ITFG1: variants seen among roughly 807,000 people sequenced by gnomAD.
The protein encoded by ITFG1 is integrin alpha FG-GAP repeat containing 1, also known as T-cell immunomodulatory protein.
ITFG1 carries 34 observed loss-of-function variants against 81.8 expected under a neutral mutation model. The observed-to-expected ratio is 0.42, with a 90% CI of 0.32 to 0.55. The LOEUF (loss-of-function observed/expected upper bound fraction) is 0.55. ITFG1 is among the 20% of genes least tolerant of loss of function. ITFG1 has a pLI of 0.17. For synonymous variants in ITFG1, 285 were observed against 270.6 expected (o/e 1.05, Z -0.52); for missense variants, 672 against 755.4 (o/e 0.89, Z 1.29).
At chr16:47,268,326 C>T (rs1012411711) in intron 10 of ITFG1, among the ~76,000 whole-genome samples, 1 of 152,072 alleles carries the variant, frequency 6.6e-6, no homozygotes, top group African/African-American at 2.4e-5. Context: ...TCACAAAACA[C>T]CAAAGCTTAC....
At chr16:47,432,193 C>G (rs1026639346) in intron 5 of ITFG1, among the ~76,000 whole-genome samples, 20 of 152,200 alleles carry the variant, frequency 1.3e-4, no homozygotes, top group Non-Finnish European at 5.9e-5. Flanking sequence ...TTCTTCTCTA[C>G]TGCAGTTAGA....
At chr16:47,349,911 C>G (rs137855196) in intron 8 of ITFG1, among the ~76,000 whole-genome samples, 10,494 of 152,212 alleles carry the variant, frequency 0.069, 608 homozygotes, top group African/African-American at 0.15. Flanking sequence ...GAAACTCACT[C>G]AAAACTGGTC....
intron 14 of ITFG1, among the ~76,000 whole-genome samples, chr16:47,199,076 C>G (rs1965391614): frequency 6.6e-6 from 1 of 152,042 alleles, no homozygotes; most frequent in South Asian, 2.1e-4. Context: ...GAGTTCAAGA[C>G]CAGCCTAGGC....
chr16:47,337,398 C>T (rs1353469729), intron 8 of ITFG1, among the ~76,000 whole-genome samples: 1 of 151,942 alleles, frequency 6.6e-6, no homozygotes, highest in African/African-American at 2.4e-5. Flanking sequence ...GGCAAAACCC[C>T]ATCTCTACTA....
intron 14 of ITFG1, among the ~76,000 whole-genome samples, chr16:47,179,170 A>G (rs889171778): frequency 2.2e-4 from 33 of 152,012 alleles, no homozygotes; most frequent in East Asian, 9.6e-4. Context: ...ACAGTGTGGC[A>G]ATTCCTCAAG....
chr16:47,296,310 C>T (rs1250361176), intron 10 of ITFG1, among the ~76,000 whole-genome samples: 1 of 151,494 alleles, frequency 6.6e-6, no homozygotes, highest in African/African-American at 2.4e-5. Context: ...TTGCTATATC[C>T]CAGGGGTTTT....
chr16:47,182,441 A>T (rs534493187), intron 14 of ITFG1, among the ~76,000 whole-genome samples: 2 of 151,622 alleles, frequency 1.3e-5, no homozygotes, highest in Non-Finnish European at 2.9e-5. Context: ...TTTGAATGCC[A>T]AAAGTATGTA....
At chr16:47,453,588 C>T (rs1477487714) in intron 3 of ITFG1, among the ~76,000 whole-genome samples, 2 of 152,182 alleles carry the variant, frequency 1.3e-5, no homozygotes, top group African/African-American at 4.8e-5. Context: ...TATCAAGAGA[C>T]CAGGTGCAGC....
At chr16:47,247,081 G>A (rs908375579) in intron 12 of ITFG1, among the ~76,000 whole-genome samples, 1 of 152,040 alleles carries the variant, frequency 6.6e-6, no homozygotes, top group African/African-American at 2.4e-5. Context: ...ACCACGCATG[G>A]CCTAGTTTTC....
At chr16:47,157,512 A>C (rs1275362124) in intron 17 of ITFG1, 1 of 152,190 alleles carries the variant, frequency 6.6e-6, no homozygotes, top group South Asian at 2.1e-4. Flanking sequence ...CTGTAATCAG[A>C]TCTACTGAGG....
chr16:47,292,159 G>A (rs913938295), intron 10 of ITFG1, among the ~76,000 whole-genome samples: 12 of 151,814 alleles, frequency 7.9e-5, no homozygotes, highest in Non-Finnish European at 1.0e-4. Flanking sequence ...GATTACAGGC[G>A]CCCGCCACCA....
At chr16:47,414,555 C>CA (rs1968851109) in intron 6 of ITFG1, among the ~76,000 whole-genome samples, 2 of 123,224 alleles carry the variant, frequency 1.6e-5, no homozygotes, top group Non-Finnish European at 1.6e-5. Flanking sequence ...AAAAAACAAA[C>CA]AACAACAACA....
chr16:47,387,637 T>A (rs1968478685), intron 6 of ITFG1, among the ~76,000 whole-genome samples: 1 of 152,170 alleles, frequency 6.6e-6, no homozygotes, highest in Admixed American at 6.5e-5. Context: ...TCAGACCAGT[T>A]TGGAAGGCCT....
chr16:47,271,766 G>A (rs1052158485), intron 10 of ITFG1, among the ~76,000 whole-genome samples: 1 of 152,220 alleles, frequency 6.6e-6, no homozygotes, highest in Non-Finnish European at 1.5e-5. Context: ...GGCTGAGGCA[G>A]GAGAATGGTG....
chr16:47,246,668 T>A (rs1369136838), intron 12 of ITFG1, among the ~76,000 whole-genome samples: 1 of 152,158 alleles, frequency 6.6e-6, no homozygotes, highest in South Asian at 2.1e-4. Flanking sequence ...CTGCTAGCTA[T>A]GTATGTTTGA....
intron 14 of ITFG1, among the ~76,000 whole-genome samples, chr16:47,163,914 T>TACACACACAC (rs56117889): frequency 2.2e-5 from 3 of 139,322 alleles, no homozygotes; most frequent in African/African-American, 7.9e-5. Context: ...GAAGCTCAAC[T>TACACACACAC]ACACACACAC....
At chr16:47,356,094 T>C (rs971531009) in intron 8 of ITFG1, among the ~76,000 whole-genome samples, 1 of 152,160 alleles carries the variant, frequency 6.6e-6, no homozygotes, top group Non-Finnish European at 1.5e-5. Flanking sequence ...GAGCCAAAGA[T>C]CATGTCCCAG....
intron 8 of ITFG1, among the ~76,000 whole-genome samples, chr16:47,338,796 C>T (rs1025714149): frequency 6.6e-5 from 10 of 151,994 alleles, no homozygotes; most frequent in African/African-American, 2.2e-4. Context: ...TTACCTCAAG[C>T]ATTTGTCCTT....
rs138040598 is a variant in ITFG1, at chr16:47,200,847, T to G, written c.1453+18021A>C. ...TTAACTCTCTAGGTGATTTGATGTATGCTGATGTCTGAGAATCATTATTCT... is the reference window on the plus strand; with the variant it reads ...TTAACTCTCTAGGTGATTTGATGTAGGCTGATGTCTGAGAATCATTATTCT... On this transcript the variant is annotated intron_variant, in intron 14 of 17. Transcript: ENST00000320640. 6.5e-3 allele frequency among the ~76,000 whole-genome samples: 983 copies of G among 152,312 alleles called. 4 individuals are homozygous for G. The highest frequency in any genetic ancestry group is 0.012 in the South Asian group (57 of 4,828).
Sources: allele counts gnomAD v4.1 joint callset (sites outside exome capture counted in the v4.1 genomes callset), GRCh38; gene constraint gnomAD v4.1.1; transcripts MANE v1.5; gene names NCBI Gene and HGNC (gene_info 2026-07-23, HGNC 2026-07-21).